The following SOX5 variants were observed in gnomAD, a reference collection of about 807,000 sequenced individuals.
The protein encoded by SOX5 is transcription factor SOX-5.
Under a neutral mutation model 92.0 loss-of-function variants are expected in SOX5, and 9 were observed. That is an observed-to-expected ratio of 0.10 (90% CI 0.06 to 0.17). The LOEUF (loss-of-function observed/expected upper bound fraction) is 0.17. Ranked by LOEUF, SOX5 falls within the 10% of genes least tolerant of loss-of-function variation. The probability of loss-of-function intolerance (pLI) is 1.00; values close to 1 mark genes in which losing one functional copy is unlikely to be tolerated. For synonymous variants in SOX5, 344 were observed against 336.3 expected (o/e 1.02, Z -0.25); for missense variants, 642 against 944.5 (o/e 0.68, Z 4.20).
chr12:24,491,333 T>C (rs1157849611), intron 1 of SOX5, among the ~76,000 whole-genome samples: 1 of 152,158 alleles, frequency 6.6e-6, no homozygotes, highest in Non-Finnish European at 1.5e-5. Context: ...CTCAAGATCC[T>C]ACTCTTCCTA....
At chr12:24,299,037 T>C (rs2661789) in intron 2 of SOX5, among the ~76,000 whole-genome samples, 64,185 of 151,944 alleles carry the variant, frequency 0.42, 13,939 homozygotes, top group Admixed American at 0.47. Context: ...CAGTTATCAA[T>C]ATTCAAAGAT....
intron 3 of SOX5, among the ~76,000 whole-genome samples, chr12:24,249,136 T>C (rs762521160): frequency 2.6e-5 from 4 of 152,210 alleles, no homozygotes; most frequent in Non-Finnish European, 2.9e-5. Flanking sequence ...TTACCTGGCA[T>C]AGAGTAGTGC....
At chr12:23,688,534 G>A (rs980238634) in intron 6 of SOX5, among the ~76,000 whole-genome samples, 7 of 152,022 alleles carry the variant, frequency 4.6e-5, no homozygotes, top group African/African-American at 1.7e-4. Context: ...AAAGTTATAT[G>A]AGTGGCCTAA....
At chr12:24,001,344 G>A (rs1284223931) in intron 4 of SOX5, among the ~76,000 whole-genome samples, 1 of 151,796 alleles carries the variant, frequency 6.6e-6, no homozygotes, top group African/African-American at 2.4e-5. Flanking sequence ...CTCCTACCTT[G>A]GCCTCCCAAA....
chr12:24,050,043 T>C (rs1314984458), intron 4 of SOX5, among the ~76,000 whole-genome samples: 1 of 148,020 alleles, frequency 6.8e-6, no homozygotes, highest in African/African-American at 2.5e-5. Flanking sequence ...TTTAAGATTC[T>C]TATTTTCTTT....
At position 23,941,745 on chromosome 12, in the gene SOX5, A is replaced by T. The variant is rs538683045; in HGVS notation, c.38+7819T>A. On this transcript the variant is annotated intron_variant, in intron 1 of 14. Coordinates refer to ENST00000451604, the MANE Select transcript of SOX5 (RefSeq NM_006940.6). ...AAGTTGAATTAGTGAATGCATACTA[A>T]ACTGAATAGTTTGAGCACCAGTTCA... 1.6e-3 allele frequency among the ~76,000 whole-genome samples: 237 copies of T among 151,734 alleles called. 2 individuals are homozygous for T. The highest frequency in any genetic ancestry group is 5.3e-3 in the African/African-American group (218 of 41,516).
intron 2 of SOX5, among the ~76,000 whole-genome samples, chr12:24,337,662 T>C (rs1187494528): frequency 6.6e-6 from 1 of 152,158 alleles, no homozygotes; most frequent in African/African-American, 2.4e-5. Flanking sequence ...TTTTTTTGCC[T>C]CTTTTAAGTT....
intron 1 of SOX5, among the ~76,000 whole-genome samples, chr12:23,943,931 G>A (rs1049445272): frequency 5.9e-5 from 9 of 151,998 alleles, no homozygotes; most frequent in African/African-American, 1.7e-4. Flanking sequence ...AACAAAAAAC[G>A]CATGTTAACA....
At chr12:23,977,843 T>TA (rs1307255867) in intron 4 of SOX5, among the ~76,000 whole-genome samples, 2 of 152,184 alleles carry the variant, frequency 1.3e-5, no homozygotes, top group Non-Finnish European at 2.9e-5. Flanking sequence ...GTTCTAACTC[T>TA]GTTAGAACTG....
rs931102988 is a variant in SOX5 at position 23,982,823 on chromosome 12, A to T, written c.-1-86799T>A. Among the ~76,000 whole-genome samples, 3 of 152,122 alleles carry T rather than the reference A, an allele frequency of 2.0e-5. No individual in the cohort carries two copies. The East Asian group carries it at 5.8e-4, about 29-fold the overall frequency. On this transcript the variant is annotated intron_variant, in intron 4 of 4. Transcript: ENST00000446891. Reference sequence around the variant, plus strand: ...AGTAATAATAATATCTTTTAAATTTATATTTTCTTACTAAGCCATTGAATC... The same window carrying T: ...AGTAATAATAATATCTTTTAAATTTTTATTTTCTTACTAAGCCATTGAATC...
chr12:23,570,981 A>T (rs1321499006), intron 10 of SOX5, among the ~76,000 whole-genome samples: 6 of 87,288 alleles, frequency 6.9e-5, no homozygotes, highest in African/African-American at 2.4e-4. Flanking sequence ...ATATATATAT[A>T]TATTTTCATA....
chr12:24,469,550 C>A (rs757460152), intron 1 of SOX5, among the ~76,000 whole-genome samples: 2 of 152,126 alleles, frequency 1.3e-5, no homozygotes, highest in Non-Finnish European at 2.9e-5. Context: ...TTTAGATATT[C>A]CATTGTACAA....
upstream of SOX5, among the ~76,000 whole-genome samples, chr12:23,950,409 T>C (rs1945424138): frequency 6.6e-6 from 1 of 152,146 alleles, no homozygotes. Context: ...GGTCTCACTG[T>C]TAGCTCGTGC....
Position 24,127,337 on chromosome 12 carries a change from G to C in SOX5, c.-2+86006C>G, listed in dbSNP as rs531773001. Among the ~76,000 whole-genome samples, 408 of 151,412 alleles carry C rather than the reference G, an allele frequency of 2.7e-3. 3 individuals are homozygous for C. The highest frequency in any genetic ancestry group is 9.2e-3 in the African/African-American group (380 of 41,378). ...GCCCAGGAGGTGGGTTCAGCTGTGA[G>C]CTGAGACTGCCCCACTGCATTCCAG... is the stretch of plus-strand genomic sequence containing the variant. On this transcript the variant is annotated intron_variant, in intron 4 of 4. Transcript: ENST00000446891.
intron 4 of SOX5, among the ~76,000 whole-genome samples, chr12:24,045,015 G>A (rs1956864603): frequency 6.6e-6 from 1 of 152,130 alleles, no homozygotes; most frequent in African/African-American, 2.4e-5. Flanking sequence ...CAAAGAGTGG[G>A]TTCCAAAAAA....
At chr12:23,795,604 T>C (rs2095548822) in intron 3 of SOX5, among the ~76,000 whole-genome samples, 1 of 152,042 alleles carries the variant, frequency 6.6e-6, no homozygotes, top group South Asian at 2.1e-4. Context: ...TGTGTGCTCA[T>C]GTGTATGTGC....
intron 2 of SOX5, among the ~76,000 whole-genome samples, chr12:23,895,301 A>C (rs544430396): frequency 1.3e-5 from 2 of 152,082 alleles, no homozygotes; most frequent in Non-Finnish European, 2.9e-5. Flanking sequence ...AGAAAACTAT[A>C]GTCTCTATGA....
chr12:24,221,289 T>C (rs1231262641), intron 3 of SOX5, among the ~76,000 whole-genome samples: 1 of 152,192 alleles, frequency 6.6e-6, no homozygotes, highest in Non-Finnish European at 1.5e-5. Context: ...CACTCCTCCT[T>C]CTTCCTTTCC....
intron 4 of SOX5, among the ~76,000 whole-genome samples, chr12:23,997,721 T>A (rs1951173244): frequency 6.6e-6 from 1 of 152,180 alleles, no homozygotes; most frequent in South Asian, 2.1e-4. Context: ...TCTTCTTGGC[T>A]CAAAGTGTTT....
Sources: gnomAD v4.1 joint callset for allele counts (sites outside exome capture counted in the v4.1 genomes callset) on GRCh38, gnomAD v4.1.1 for gene constraint, MANE v1.5 for transcripts, NCBI Gene and HGNC (gene_info 2026-07-23, HGNC 2026-07-21) for gene names.